The following XKR6 variants were observed in gnomAD, a reference collection of about 807,000 sequenced individuals.
XKR6 encodes the protein XK related 6.
Under a neutral mutation model 56.7 loss-of-function variants are expected in XKR6, and 22 were observed. The observed-to-expected ratio is 0.39, with a 90% CI of 0.28 to 0.55. The LOEUF (loss-of-function observed/expected upper bound fraction) is 0.55. XKR6 is among the 20% of genes least tolerant of loss of function. The pLI is 0.66. For synonymous variants in XKR6, 524 were observed against 387.8 expected (o/e 1.35, Z -4.13); for missense variants, 852 against 889.0 (o/e 0.96, Z 0.53).
intron 1 of XKR6, among the ~76,000 whole-genome samples, chr8:11,123,146 A>G (rs914481738): frequency 5.3e-5 from 8 of 150,686 alleles, no homozygotes; most frequent in Non-Finnish European, 8.8e-5. Flanking sequence ...CTGAGGCAGG[A>G]GAATGGCTTG....
At chr8:11,156,253 G>A (rs553002622) in intron 1 of XKR6, among the ~76,000 whole-genome samples, 3 of 152,202 alleles carry the variant, frequency 2.0e-5, no homozygotes, top group South Asian at 2.1e-4. Flanking sequence ...TTCTCCCTCT[G>A]TTCTGAATGC....
chr8:10,928,162 C>T (rs1301337677), intron 1 of XKR6, among the ~76,000 whole-genome samples: 1 of 152,202 alleles, frequency 6.6e-6, no homozygotes, highest in African/African-American at 2.4e-5. Flanking sequence ...GGTGCCAGAA[C>T]GCAAGCCACT....
At chr8:11,065,239 T>A (rs913229493) in intron 1 of XKR6, among the ~76,000 whole-genome samples, 2 of 152,222 alleles carry the variant, frequency 1.3e-5, no homozygotes, top group African/African-American at 2.4e-5. Context: ...ATTATAGAGC[T>A]GAATTTTTTC....
chr8:11,178,059 G>C lies in XKR6; in HGVS notation c.764+22517C>G, dbSNP rs1374069566. On this transcript the variant is annotated intron_variant, in intron 1 of 2. Transcript: ENST00000416569. Reference sequence around the variant, plus strand: ...AGATTGCCACAGCACAGAAAGCAGAGTGCAGGGCCTAGTGACCGGGTAGGA... The same window carrying C: ...AGATTGCCACAGCACAGAAAGCAGACTGCAGGGCCTAGTGACCGGGTAGGA... 2.0e-5 allele frequency among the ~76,000 whole-genome samples: 3 copies of C among 152,272 alleles called. No homozygotes were observed. The East Asian group carries it at 5.8e-4, about 29-fold the overall frequency.
intron 1 of XKR6, among the ~76,000 whole-genome samples, chr8:11,080,093 G>C (rs574998765): frequency 2.6e-5 from 4 of 151,580 alleles, no homozygotes; most frequent in Non-Finnish European, 5.9e-5. Context: ...TCCATTTTTC[G>C]AGTGAGCAAT....
chr8:10,953,443 C>T (rs1319402648), intron 1 of XKR6, among the ~76,000 whole-genome samples: 1 of 152,158 alleles, frequency 6.6e-6, no homozygotes, highest in East Asian at 1.9e-4. Flanking sequence ...GAAGCAAATG[C>T]CCATGTTATG....
At chr8:10,950,799 G>A (rs1216789707) in intron 1 of XKR6, among the ~76,000 whole-genome samples, 3 of 151,514 alleles carry the variant, frequency 2.0e-5, no homozygotes, top group Non-Finnish European at 3.0e-5. Context: ...CCAGGAGTAA[G>A]TGTCGAACAC....
chr8:11,052,260 G>A (rs953532870), intron 1 of XKR6, among the ~76,000 whole-genome samples: 1 of 152,146 alleles, frequency 6.6e-6, no homozygotes, highest in Non-Finnish European at 1.5e-5. Flanking sequence ...CTCAAGGATA[G>A]CAGCTCAGAG....
chr8:11,184,388 T>TACACACAC (rs6150466), intron 1 of XKR6, among the ~76,000 whole-genome samples: 287 of 146,246 alleles, frequency 2.0e-3, no homozygotes, highest in African/African-American at 6.8e-3. Flanking sequence ...TATACACACA[T>TACACACAC]ACACACACAC....
intron 1 of XKR6, among the ~76,000 whole-genome samples, chr8:11,079,158 T>A (rs1023542908): frequency 6.6e-6 from 1 of 152,164 alleles, no homozygotes; most frequent in Non-Finnish European, 1.5e-5. Context: ...CTTCTTCCCA[T>A]GAAAAAGTGG....
chr8:10,931,585 G>T (rs553213124), intron 1 of XKR6, among the ~76,000 whole-genome samples: 58 of 152,104 alleles, frequency 3.8e-4, no homozygotes, highest in Non-Finnish European at 7.4e-4. Flanking sequence ...AGAAGAGTCC[G>T]GAAGAAGACC....
intron 1 of XKR6, among the ~76,000 whole-genome samples, chr8:11,199,384 G>C (rs1270039524): frequency 6.6e-6 from 1 of 152,196 alleles, no homozygotes; most frequent in African/African-American, 2.4e-5. Flanking sequence ...TAAAAAGACA[G>C]CAGACTTTAT....
chr8:11,007,914 G>T (rs903189823), intron 1 of XKR6, among the ~76,000 whole-genome samples: 1 of 152,102 alleles, frequency 6.6e-6, no homozygotes, highest in African/African-American at 2.4e-5. Flanking sequence ...GAAGCAGATG[G>T]CAGGGGCAGA....
intron 1 of XKR6, among the ~76,000 whole-genome samples, chr8:11,196,848 A>T (rs1400890462): frequency 1.3e-5 from 2 of 152,244 alleles, no homozygotes; most frequent in African/African-American, 4.8e-5. Context: ...CTTGTAAAAT[A>T]GTCAACATGA....
intron 1 of XKR6, among the ~76,000 whole-genome samples, chr8:11,040,320 G>A (rs1427416543): frequency 6.8e-6 from 1 of 146,272 alleles, no homozygotes; most frequent in African/African-American, 2.6e-5. Flanking sequence ...CCAGGAATTT[G>A]AGACCAGCCG....
intron 1 of XKR6, among the ~76,000 whole-genome samples, chr8:10,985,628 C>T (rs963253129): frequency 2.0e-5 from 3 of 147,216 alleles, no homozygotes; most frequent in Admixed American, 6.7e-5. Flanking sequence ...AGCAAAAAAA[C>T]AAAACAAAAA....
chr8:10,947,943 C>T (rs1196018115), intron 1 of XKR6, among the ~76,000 whole-genome samples: 1 of 152,156 alleles, frequency 6.6e-6, no homozygotes, highest in Non-Finnish European at 1.5e-5. Context: ...CCTTCCAGGA[C>T]GAAGTGGCTG....
intron 1 of XKR6, among the ~76,000 whole-genome samples, chr8:10,950,964 A>C (rs1801700406): frequency 6.6e-6 from 1 of 152,180 alleles, no homozygotes; most frequent in East Asian, 1.9e-4. Flanking sequence ...CCACACAGCA[A>C]GGATGGGGAG....
At chr8:11,139,080 G>A (rs919942250) in intron 1 of XKR6, among the ~76,000 whole-genome samples, 4 of 152,074 alleles carry the variant, frequency 2.6e-5, no homozygotes, top group African/African-American at 9.7e-5. Context: ...GGCAATTTCA[G>A]AATAAAACCA....
Sources: allele counts gnomAD v4.1 joint callset (sites outside exome capture counted in the v4.1 genomes callset), GRCh38; gene constraint gnomAD v4.1.1; transcripts MANE v1.5; gene names NCBI Gene and HGNC (gene_info 2026-07-23, HGNC 2026-07-21).